TTBK2: variants seen among roughly 807,000 people sequenced by gnomAD.
TTBK2 encodes tau-tubulin kinase 2.
A neutral mutation model predicts 110.8 loss-of-function variants in TTBK2; 28 were observed. The ratio of observed to expected loss-of-function variants is 0.25; its 90% confidence interval spans 0.19 to 0.35. The LOEUF (loss-of-function observed/expected upper bound fraction) is 0.35, where lower values mean the gene tolerates loss of function less well. TTBK2 is among the 10% of genes least tolerant of loss of function. The probability of loss-of-function intolerance (pLI) is 1.00; values close to 1 mark genes in which losing one functional copy is unlikely to be tolerated. For synonymous variants in TTBK2, 532 were observed against 527.3 expected (o/e 1.01, Z -0.12); for missense variants, 1,369 against 1,500.3 (o/e 0.91, Z 1.45).
chr15:42,915,516 T>C (rs2031032163), intron 1 of TTBK2, among the ~76,000 whole-genome samples: 2 of 152,230 alleles, frequency 1.3e-5, no homozygotes, highest in Admixed American at 6.5e-5. Flanking sequence ...AGGAAAAGCA[T>C]AATTATCTAT....
At position 42,738,794 on chromosome 15, in the gene TTBK2, T is replaced by C. The variant is rs1032159205; in HGVS notation, c.*7001A>G. ...CCTAACTGCAGGGACACTTAACACC[T>C]AGCTTCTATTCAGTCCTGGGCTGCT... On this transcript the variant is annotated 3_prime_UTR_variant, in exon 15 of 15. Transcript: ENST00000267890. The C allele has an allele frequency of 5.9e-5, 9 of 152,246 alleles. No individual in the cohort carries two copies. The highest frequency in any genetic ancestry group is 2.2e-4 in the African/African-American group (9 of 41,470). 9.4% of individuals were successfully genotyped at this position (152,246 alleles called of 1,614,324 possible).
chr15:42,832,314 G>A (rs1399692720), intron 4 of TTBK2, among the ~76,000 whole-genome samples: 1 of 151,892 alleles, frequency 6.6e-6, no homozygotes, highest in East Asian at 1.9e-4. Context: ...CTTTCAAAAG[G>A]AAATCAATTA....
intron 2 of TTBK2, among the ~76,000 whole-genome samples, chr15:42,873,667 G>T (rs895768282): frequency 6.6e-6 from 1 of 152,120 alleles, no homozygotes; most frequent in African/African-American, 2.4e-5. Context: ...GCTTAACTGG[G>T]GAATATCAGG....
intron 14 of TTBK2, among the ~76,000 whole-genome samples, chr15:42,750,511 G>GA (rs1364977075): frequency 6.6e-6 from 1 of 151,786 alleles, no homozygotes; most frequent in Admixed American, 6.6e-5. Flanking sequence ...TGAGCAGGCA[G>GA]AAGAAAAAAT....
intron 1 of TTBK2, among the ~76,000 whole-genome samples, chr15:42,880,543 T>C (rs1226809070): frequency 6.6e-6 from 1 of 152,100 alleles, no homozygotes; most frequent in Non-Finnish European, 1.5e-5. Flanking sequence ...CGCACTACCA[T>C]ACCTGGATAA....
At chr15:42,855,884 G>A (rs1264002384) in intron 3 of TTBK2, among the ~76,000 whole-genome samples, 3 of 152,016 alleles carry the variant, frequency 2.0e-5, no homozygotes, top group Non-Finnish European at 2.9e-5. Flanking sequence ...GGGTTTCACC[G>A]TGTTAGCCAG....
chr15:42,783,615 A>G lies in TTBK2; in HGVS notation c.1001T>C (p.Ile334Thr). 1 of 1,614,080 alleles carries G rather than the reference A, an allele frequency of 6.2e-7. No homozygotes were observed. Among genetic ancestry groups the G allele is most frequent in the Non-Finnish European group, 8.5e-7 (1 of 1,179,992 alleles). Reference sequence around the variant, plus strand: ...ATTTTCTCGAAGCAAGTCTCCAGGGATGGGAGTAGCATTGGCAATTCTACA... The same window carrying G: ...ATTTTCTCGAAGCAAGTCTCCAGGGGTGGGAGTAGCATTGGCAATTCTACA... The part of the protein sequence containing the change: ...AAIGIANATP[I>T]PGDLLRENTD... Residue 334 changes from isoleucine (I) to threonine (T), a missense_variant, in exon 11 of 15, where the codon ATC becomes ACC. Ile to Thr is a moderately conservative substitution (Grantham distance 89). This residue lies in a region of TTBK2 where 1,097 missense variants were observed against 1,114.7 expected (regional missense o/e 0.98). Transcript: ENST00000267890.
At chr15:42,908,484 T>G (rs143130461) in intron 1 of TTBK2, among the ~76,000 whole-genome samples, 1 of 152,162 alleles carries the variant, frequency 6.6e-6, no homozygotes, top group Non-Finnish European at 1.5e-5. Flanking sequence ...ACAAAAAGTA[T>G]AGATTAGTTC....
chr15:42,807,396 C>A lies in TTBK2; in HGVS notation c.822+3218G>T, dbSNP rs1479776554. Among the ~76,000 whole-genome samples the A allele has an allele frequency of 4.6e-5, 7 of 151,924 alleles. No homozygotes were observed. In the East Asian group the frequency reaches 1.4e-3, roughly 29 times the overall value. On this transcript the variant is annotated intron_variant, in intron 9 of 14. Coordinates refer to ENST00000267890, the MANE Select transcript of TTBK2 (RefSeq NM_173500.4). ...AAAGATATTTGTGTTACCAGGATCA[C>A]GTGATCCTATTATTATTATTATTAT...
At chr15:42,773,038 C>T (rs1298324542) in intron 13 of TTBK2, among the ~76,000 whole-genome samples, 1 of 152,056 alleles carries the variant, frequency 6.6e-6, no homozygotes, top group Non-Finnish European at 1.5e-5. Flanking sequence ...CTTGCTATCC[C>T]TGAAATATAG....
chr15:42,845,922 C>T (rs79908905), intron 3 of TTBK2, among the ~76,000 whole-genome samples: 3,003 of 151,992 alleles, frequency 0.02, 80 homozygotes, highest in African/African-American at 0.057. Context: ...TATACCACAA[C>T]GGTTAAGTAT....
At chr15:42,875,811 C>A (rs1284596026) in intron 2 of TTBK2, among the ~76,000 whole-genome samples, 1 of 147,934 alleles carries the variant, frequency 6.8e-6, no homozygotes, top group African/African-American at 2.5e-5. Context: ...GAGGCTGAGG[C>A]AGGAGAGTCG....
intron 14 of TTBK2, among the ~76,000 whole-genome samples, chr15:42,749,321 G>C (rs150223366): frequency 1.3e-5 from 2 of 152,360 alleles, no homozygotes; most frequent in African/African-American, 4.8e-5. Context: ...TGCACTGGCA[G>C]AATCTGTCTG....
At chr15:42,847,085 A>T (rs1387605318) in intron 3 of TTBK2, among the ~76,000 whole-genome samples, 1 of 152,142 alleles carries the variant, frequency 6.6e-6, no homozygotes, top group African/African-American at 2.4e-5. Flanking sequence ...AAACCCAAGG[A>T]GGGGGGAATC....
chr15:42,890,707 GAAGTGACTCC>G (rs1299762667), intron 1 of TTBK2, among the ~76,000 whole-genome samples: 1 of 152,154 alleles, frequency 6.6e-6, no homozygotes. Flanking sequence ...TTATGCTAAT[GAAGTGACTCC>G]AAGCTTCAGG....
chr15:42,802,271 A>AGCT, intron 9 of TTBK2: 1 of 797,882 alleles, frequency 1.3e-6, no homozygotes, highest in Non-Finnish European at 2.2e-6. Flanking sequence ...CCACCCCGGA[A>AGCT]GCTGCTGCTG....
At chr15:42,873,854 T>C (rs1894707693) in intron 2 of TTBK2, among the ~76,000 whole-genome samples, 1 of 152,184 alleles carries the variant, frequency 6.6e-6, no homozygotes, top group Non-Finnish European at 1.5e-5. Flanking sequence ...TGTGATATAA[T>C]GTAGGAAGTC....
At chr15:42,898,626 T>G (rs1225372762) in intron 1 of TTBK2, among the ~76,000 whole-genome samples, 1 of 152,132 alleles carries the variant, frequency 6.6e-6, no homozygotes, top group African/African-American at 2.4e-5. Context: ...AAACTCTGAC[T>G]ACTGGCCTAA....
Position 42,777,053 on chromosome 15 carries a change from T to C in TTBK2, c.1387A>G (p.Thr463Ala), listed in dbSNP as rs370920520. The change falls in exon 12 of 15, where the codon ACT (threonine) becomes GCT (alanine). Residue 463 changes from threonine (T) to alanine (A), a missense_variant. Physicochemically the swap from Thr to Ala is moderately conservative, Grantham distance 58 (BLOSUM62 0). Coordinates refer to ENST00000267890, the MANE Select transcript of TTBK2 (RefSeq NM_173500.4). ...TACCAGGTCTCAAGGAACTTGTCAG[T>C]GTCTGGCTTTGGCTCCAGGGTCAGA... ...KRLTLEPKPD[T>A]DKFLETCLEK... is the part of the protein sequence containing the mutation. 1.2e-4 allele frequency: 186 copies of C among 1,614,016 alleles called. No homozygotes were observed. Among genetic ancestry groups the C allele is most frequent in the Non-Finnish European group, 1.5e-4 (181 of 1,179,996 alleles).
Sources: allele counts gnomAD v4.1 joint callset (sites outside exome capture counted in the v4.1 genomes callset), GRCh38; gene constraint gnomAD v4.1.1; regional missense constraint gnomAD v4.1.1; transcripts MANE v1.5; gene names NCBI Gene and HGNC (gene_info 2026-07-23, HGNC 2026-07-21).